Variants in UNC13C observed in about 807,000 individuals in gnomAD.
UNC13C encodes the protein protein unc-13 homolog C.
Under a neutral mutation model 245.4 loss-of-function variants are expected in UNC13C, and 174 were observed. The observed-to-expected ratio is 0.71, with a 90% confidence interval of 0.63 to 0.80. The LOEUF is 0.80. UNC13C is among the 30% of genes least tolerant of loss of function. The pLI is 0.00. For synonymous variants in UNC13C, 992 were observed against 895.1 expected, an observed-to-expected ratio of 1.11 and a Z score of -1.93; for missense variants, 2,829 against 2,602.9, an observed-to-expected ratio of 1.09 and a Z score of -1.89.
intron 19 of UNC13C, among the ~76,000 whole-genome samples, chr15:54,425,943 T>C (rs913551138): frequency 2.0e-5 from 3 of 151,758 alleles, no homozygotes; most frequent in African/African-American, 7.2e-5. Flanking sequence ...TCTCACAAGC[T>C]TCCAGAGGCT....
intron 4 of UNC13C, among the ~76,000 whole-genome samples, chr15:54,223,724 A>G (rs895026780): frequency 6.6e-6 from 1 of 151,916 alleles, no homozygotes; most frequent in South Asian, 2.1e-4. Context: ...TGCTTTGGGT[A>G]GGTAGTATGG....
chr15:54,577,475 G>T (rs1898004770), intron 30 of UNC13C, among the ~76,000 whole-genome samples: 1 of 152,106 alleles, frequency 6.6e-6, no homozygotes, highest in Non-Finnish European at 1.5e-5. Flanking sequence ...AGCTGTGTGG[G>T]TCACAGTCTT....
intron 1 of UNC13C, among the ~76,000 whole-genome samples, chr15:54,006,119 T>C (rs1595703234): frequency 6.6e-6 from 1 of 152,262 alleles, no homozygotes; most frequent in African/African-American, 2.4e-5. Flanking sequence ...TGAGATACTA[T>C]CCTTACAAGA....
intron 19 of UNC13C, among the ~76,000 whole-genome samples, chr15:54,475,066 A>G (rs992501493): frequency 6.6e-6 from 1 of 151,952 alleles, no homozygotes; most frequent in Non-Finnish European, 1.5e-5. Context: ...ATCAAATTTC[A>G]ACACAAGATT....
chr15:54,453,838 T>G (rs1200531243), intron 19 of UNC13C, among the ~76,000 whole-genome samples: 1 of 152,144 alleles, frequency 6.6e-6, no homozygotes, highest in Non-Finnish European at 1.5e-5. Flanking sequence ...CACATAAAAT[T>G]TACCATTTTA....
intron 19 of UNC13C, among the ~76,000 whole-genome samples, chr15:54,476,121 T>C (rs1892725632): frequency 8.7e-6 from 1 of 114,732 alleles, no homozygotes; most frequent in Admixed American, 9.1e-5. Context: ...GAGAAGTGTC[T>C]GTTCATGTCC....
intron 1 of UNC13C, among the ~76,000 whole-genome samples, chr15:53,991,302 C>G (rs536227624): frequency 6.6e-6 from 1 of 151,930 alleles, no homozygotes; most frequent in Admixed American, 6.6e-5. Flanking sequence ...AATGCTGCAT[C>G]TCCACTAAGA....
intron 4 of UNC13C, among the ~76,000 whole-genome samples, chr15:54,196,301 A>T (rs2034351626): frequency 6.6e-6 from 1 of 151,978 alleles, no homozygotes; most frequent in African/African-American, 2.4e-5. Context: ...TGCTGATCTC[A>T]CAAGCCCAGA....
Position 54,312,106 on chromosome 15 carries a change from T to G in UNC13C, c.4269-9833T>G, listed in dbSNP as rs556171552. On this transcript the variant is annotated intron_variant, in intron 13 of 32. Coordinates refer to ENST00000260323, the MANE Select transcript of UNC13C (RefSeq NM_001080534.3). ...ATGTACATTTTTTAAATAACAAAAA[T>G]GTATAACGCCAACCAGAGATAACAC... Among the ~76,000 whole-genome samples, 26 of 151,928 alleles carry G rather than the reference T, an allele frequency of 1.7e-4. No individual in the cohort carries two copies. The South Asian group carries it at 5.2e-3, about 30-fold the overall frequency.
intron 14 of UNC13C, among the ~76,000 whole-genome samples, chr15:54,325,508 C>A (rs1273994281): frequency 6.6e-6 from 1 of 151,904 alleles, no homozygotes; most frequent in African/African-American, 2.4e-5. Context: ...TTTGCTGCAC[C>A]CGCCAACTCA....
intron 19 of UNC13C, among the ~76,000 whole-genome samples, chr15:54,487,370 A>T (rs996490262): frequency 5.9e-5 from 9 of 152,196 alleles, no homozygotes; most frequent in Non-Finnish European, 1.0e-4. Flanking sequence ...GCTAAGATTT[A>T]ATAACAGAAA....
intron 4 of UNC13C, among the ~76,000 whole-genome samples, chr15:54,220,879 C>T (rs1299097540): frequency 6.6e-6 from 1 of 151,932 alleles, no homozygotes; most frequent in Non-Finnish European, 1.5e-5. Flanking sequence ...AACCTATCAA[C>T]ATCAAAACCT....
At chr15:54,201,962 G>A (rs9920872) in intron 4 of UNC13C, among the ~76,000 whole-genome samples, 45,887 of 151,704 alleles carry the variant, frequency 0.3, 6,959 homozygotes, top group Middle Eastern at 0.33. Context: ...TGAATTCGGT[G>A]AAGTTTCAGG....
intron 17 of UNC13C, among the ~76,000 whole-genome samples, chr15:54,369,300 T>A (rs1425177291): frequency 1.3e-5 from 2 of 152,114 alleles, no homozygotes; most frequent in African/African-American, 4.8e-5. Context: ...ATAAGGTTAA[T>A]TCGTAGACTT....
At chr15:53,947,378 A>G in the UNC13C span, among the ~76,000 whole-genome samples, 1 of 152,220 alleles carries the variant, frequency 6.6e-6, no homozygotes, top group Non-Finnish European at 1.5e-5. Flanking sequence ...TGAATGAACA[A>G]ATGAAATAGA....
intron 8 of UNC13C, among the ~76,000 whole-genome samples, chr15:54,256,955 G>A (rs941618828): frequency 6.6e-6 from 1 of 152,096 alleles, no homozygotes; most frequent in South Asian, 2.1e-4. Flanking sequence ...TAAGTTTGGC[G>A]CTCTTTGAAA....
intron 19 of UNC13C, among the ~76,000 whole-genome samples, chr15:54,443,715 C>A (rs569489486): frequency 2.0e-5 from 3 of 151,952 alleles, no homozygotes; most frequent in African/African-American, 7.2e-5. Flanking sequence ...GTGTAGTTTC[C>A]AATAGGTCCT....
chr15:54,411,322 T>G (rs1040539295), intron 18 of UNC13C, among the ~76,000 whole-genome samples: 1 of 152,214 alleles, frequency 6.6e-6, no homozygotes, highest in African/African-American at 2.4e-5. Flanking sequence ...CAGTGTCTTT[T>G]GAAGATCAGA....
At chr15:54,427,506 A>G (rs974192643) in intron 19 of UNC13C, among the ~76,000 whole-genome samples, 2 of 151,894 alleles carry the variant, frequency 1.3e-5, no homozygotes, top group African/African-American at 4.8e-5. Context: ...CTAAAACAGT[A>G]TATTATTTTT....
Sources: allele counts gnomAD v4.1 joint callset (sites outside exome capture counted in the v4.1 genomes callset), GRCh38; gene constraint gnomAD v4.1.1; transcripts MANE v1.5; gene names NCBI Gene and HGNC (gene_info 2026-07-23, HGNC 2026-07-21).